The following SDC2 variants were observed in gnomAD, a reference collection of about 807,000 sequenced individuals.
SDC2 encodes syndecan-2.
SDC2 carries 13 observed loss-of-function variants against 22.2 expected under a neutral mutation model. The ratio of observed to expected loss-of-function variants is 0.59; its 90% CI spans 0.38 to 0.93. The LOEUF is 0.93. Among genes scored for constraint, SDC2 ranks in the 40% least tolerant of loss-of-function variants. The probability of loss-of-function intolerance (pLI) is 0.00; values close to 1 mark genes in which losing one functional copy is unlikely to be tolerated. For missense variants in SDC2, 235 were observed against 246.8 expected, an observed-to-expected ratio of 0.95 and a Z score of 0.32; for synonymous variants, 94 against 92.8, an observed-to-expected ratio of 1.01 and a Z score of -0.07.
At chr8:96,503,580 A>G (rs1454721793) in intron 1 of SDC2, among the ~76,000 whole-genome samples, 3 of 152,236 alleles carry the variant, frequency 2.0e-5, no homozygotes, top group Non-Finnish European at 2.9e-5. Context: ...GAAAATCAGA[A>G]TAAGATTGGT....
At chr8:96,533,755 A>T (rs1348541951) in intron 1 of SDC2, among the ~76,000 whole-genome samples, 1 of 152,100 alleles carries the variant, frequency 6.6e-6, no homozygotes, top group Admixed American at 6.5e-5. Context: ...CCAAGTCCCC[A>T]CTAGACTCAG....
At chr8:96,518,245 A>T (rs73271679) in intron 1 of SDC2, among the ~76,000 whole-genome samples, 3,871 of 151,992 alleles carry the variant, frequency 0.025, 160 homozygotes, top group African/African-American at 0.087. Context: ...GGTTATTTTA[A>T]TTTTTAATGG....
intron 1 of SDC2, among the ~76,000 whole-genome samples, chr8:96,494,620 T>A (rs990238828): frequency 2.0e-5 from 3 of 151,944 alleles, no homozygotes. Context: ...TTCTTCGCCC[T>A]CGGCGGGTCT....
At chr8:96,523,537 TAA>T (rs564778413) in intron 1 of SDC2, among the ~76,000 whole-genome samples, 69 of 152,220 alleles carry the variant, frequency 4.5e-4, no homozygotes, top group African/African-American at 1.6e-3. Flanking sequence ...GTAAGCCGGA[TAA>T]AAATATGTGG....
chr8:96,541,596 GA>G (rs1188397596), intron 1 of SDC2, among the ~76,000 whole-genome samples: 1 of 151,110 alleles, frequency 6.6e-6, no homozygotes, highest in African/African-American at 2.4e-5. Flanking sequence ...GCCAGAAACA[GA>G]AAGACAAATA....
At chr8:96,600,544 G>A (rs1002078094) in intron 2 of SDC2, among the ~76,000 whole-genome samples, 3 of 152,238 alleles carry the variant, frequency 2.0e-5, no homozygotes, top group Admixed American at 6.5e-5. Flanking sequence ...GGCCTATTAG[G>A]AAGAAGGCAG....
intron 3 of SDC2, among the ~76,000 whole-genome samples, 167 bp from the exon 4 acceptor site, chr8:96,608,167 TC>T (rs2130665045): frequency 6.6e-6 from 1 of 152,316 alleles, no homozygotes; most frequent in Non-Finnish European, 1.5e-5. Context: ...CATGGGTCCA[TC>T]ATGACACTCA....
intron 1 of SDC2, among the ~76,000 whole-genome samples, chr8:96,528,413 A>G (rs989863445): frequency 6.6e-6 from 1 of 152,228 alleles, no homozygotes; most frequent in Non-Finnish European, 1.5e-5. Context: ...CACGGTATTC[A>G]TTGTCCTCTC....
intron 1 of SDC2, among the ~76,000 whole-genome samples, chr8:96,500,661 C>CAAAA (rs56672989): frequency 3.3e-4 from 24 of 73,498 alleles, no homozygotes; most frequent in South Asian, 4.4e-4. Flanking sequence ...GACTCCATCT[C>CAAAA]AAAAAAAAAA....
At chr8:96,555,948 T>A (rs1196001771) in intron 1 of SDC2, among the ~76,000 whole-genome samples, 1 of 152,116 alleles carries the variant, frequency 6.6e-6, no homozygotes, top group Non-Finnish European at 1.5e-5. Context: ...CTATAGTACC[T>A]TGTTAAACTC....
intron 1 of SDC2, among the ~76,000 whole-genome samples, chr8:96,505,825 A>G (rs1813230505): frequency 6.6e-6 from 1 of 152,210 alleles, no homozygotes; most frequent in Admixed American, 6.5e-5. Flanking sequence ...CCAACAAAGG[A>G]CAAAGCTCTA....
intron 1 of SDC2, among the ~76,000 whole-genome samples, chr8:96,551,743 A>G (rs986884590): frequency 1.3e-5 from 2 of 152,228 alleles, no homozygotes; most frequent in Non-Finnish European, 2.9e-5. Context: ...GATCTTACTC[A>G]GTAAGTTTGG....
chr8:96,545,436 G>A lies in SDC2; in HGVS notation c.61-48044G>A, dbSNP rs149270293. ...AAAAATTCACCTCGAGAAACACCAT[G>A]ACAGGTCAGTATTGGGGAATGAGGA... On this transcript the variant is annotated intron_variant, in intron 1 of 4. Transcript: ENST00000302190. Among the ~76,000 whole-genome samples, 210 of 152,294 alleles carry A rather than the reference G, an allele frequency of 1.4e-3. 1 individual carries two copies. Among genetic ancestry groups the A allele is most frequent in the African/African-American group, 4.8e-3 (200 of 41,548 alleles).
At chr8:96,589,537 C>A (rs952241739) in intron 1 of SDC2, among the ~76,000 whole-genome samples, 1 of 152,228 alleles carries the variant, frequency 6.6e-6, no homozygotes, top group East Asian at 1.9e-4. Flanking sequence ...CTCAGCCTTG[C>A]GAGTAGCTGG....
At chr8:96,530,800 C>T (rs926723764) in intron 1 of SDC2, among the ~76,000 whole-genome samples, 2 of 152,194 alleles carry the variant, frequency 1.3e-5, no homozygotes, top group Non-Finnish European at 2.9e-5. Context: ...CCCTACATTG[C>T]AGTTTATAGA....
intron 1 of SDC2, among the ~76,000 whole-genome samples, chr8:96,506,025 A>C (rs542415679): frequency 6.6e-6 from 1 of 152,332 alleles, no homozygotes; most frequent in Admixed American, 6.5e-5. Flanking sequence ...TTGCCAAAAA[A>C]CCACAATGGA....
rs570413668 is a variant in SDC2 at position 96,611,672 on chromosome 8, C to T, written c.*2124C>T. On this transcript the variant is annotated 3_prime_UTR_variant, in exon 5 of 5. Transcript: ENST00000302190. ...TAGAATAACAACTGCTGGGAATATC[C>T]GTGCCAGGAAAAGAAAAATTTCTGG... 5 of 152,644 alleles carry T rather than the reference C, an allele frequency of 3.3e-5. No homozygotes were observed. The highest frequency in any genetic ancestry group is 4.1e-4 in the South Asian group (2 of 4,820). 9.5% of individuals were successfully genotyped at this position (152,644 alleles called of 1,614,324 possible).
At chr8:96,498,306 G>A (rs892503599) in intron 1 of SDC2, among the ~76,000 whole-genome samples, 5 of 152,100 alleles carry the variant, frequency 3.3e-5, no homozygotes, top group Admixed American at 6.5e-5. Context: ...AGTGGCCAGC[G>A]TGGAACTTCC....
At chr8:96,587,733 T>C (rs1014359209) in intron 1 of SDC2, among the ~76,000 whole-genome samples, 4 of 152,182 alleles carry the variant, frequency 2.6e-5, no homozygotes, top group African/African-American at 9.7e-5. Context: ...TAAATCGATA[T>C]TCTGGGGGGA....
Sources: allele counts gnomAD v4.1 joint callset (sites outside exome capture counted in the v4.1 genomes callset), GRCh38; gene constraint gnomAD v4.1.1; transcripts MANE v1.5; gene names NCBI Gene and HGNC (gene_info 2026-07-23, HGNC 2026-07-21).